Variants in DPF3 observed in about 807,000 individuals in gnomAD.
DPF3 encodes the protein double PHD fingers 3.
DPF3 carries 18 observed loss-of-function variants against 56.8 expected under a neutral mutation model. That is an observed-to-expected ratio of 0.32 (90% CI 0.22 to 0.47). DPF3 has a LOEUF of 0.47. DPF3 is among the 20% of genes least tolerant of loss of function. The pLI is 1.00. For synonymous variants in DPF3, 188 were observed against 180.2 expected (o/e 1.04, Z -0.35); for missense variants, 403 against 488.8 (o/e 0.82, Z 1.65).
intron 1 of DPF3, among the ~76,000 whole-genome samples, chr14:72,821,500 A>C (rs998743007): frequency 6.6e-6 from 1 of 150,668 alleles, no homozygotes; most frequent in Admixed American, 6.8e-5. Flanking sequence ...CACTAGGTTG[A>C]GTAAACGCTG....
intron 6 of DPF3, among the ~76,000 whole-genome samples, chr14:72,707,974 G>T (rs1249048629): frequency 6.6e-6 from 1 of 152,072 alleles, no homozygotes; most frequent in Non-Finnish European, 1.5e-5. Flanking sequence ...AAAAAATAAT[G>T]AAAAGCACCT....
intron 1 of DPF3, among the ~76,000 whole-genome samples, chr14:72,810,139 G>C (rs561773987): frequency 6.6e-6 from 1 of 152,170 alleles, no homozygotes; most frequent in East Asian, 1.9e-4. Flanking sequence ...GGGAAGATGC[G>C]AATAAGGGCA....
At chr14:72,809,405 G>T (rs1342167683) in intron 1 of DPF3, among the ~76,000 whole-genome samples, 5 of 152,158 alleles carry the variant, frequency 3.3e-5, no homozygotes, top group African/African-American at 1.2e-4. Flanking sequence ...ACCGGTGAAG[G>T]GCATGGGGGT....
chr14:72,868,982 G>A (rs1244475245), intron 1 of DPF3, among the ~76,000 whole-genome samples: 1 of 152,068 alleles, frequency 6.6e-6, no homozygotes, highest in Non-Finnish European at 1.5e-5. Flanking sequence ...ACTGCCCTTA[G>A]GATAAAGTAC....
chr14:72,714,187 T>C (rs1030326303), intron 6 of DPF3, among the ~76,000 whole-genome samples: 1 of 152,122 alleles, frequency 6.6e-6, no homozygotes, highest in Non-Finnish European at 1.5e-5. Flanking sequence ...GGTGCAGAAC[T>C]GAGGGTGGGG....
intron 2 of DPF3, among the ~76,000 whole-genome samples, chr14:72,756,554 T>A (rs1455531587): frequency 6.6e-6 from 1 of 152,134 alleles, no homozygotes; most frequent in Non-Finnish European, 1.5e-5. Context: ...GGCTGACGTC[T>A]GTAATCCCAG....
In DPF3 at chr14:72,612,603, G is replaced by C. The variant is rs768594813; in HGVS notation, c.*6694C>G. 17 of 518,878 alleles carry C rather than the reference G, an allele frequency of 3.3e-5. No individual in the cohort carries two copies. Among genetic ancestry groups the C allele is most frequent in the Non-Finnish European group, 5.4e-5 (14 of 259,864 alleles). 32.1% of individuals were successfully genotyped at this position (518,878 alleles called of 1,614,324 possible). On this transcript the variant is annotated 3_prime_UTR_variant, in exon 11 of 11. Transcript: ENST00000556509. ...GGGAGGAAACAGTGCAGGGAAGGGA[G>C]AGGGCAGGAGGAGAATCAGGGTCTC...
At chr14:72,827,843 TCAGGAGGCTGAGG>T (rs1382622229) in intron 1 of DPF3, among the ~76,000 whole-genome samples, 1 of 151,986 alleles carries the variant, frequency 6.6e-6, no homozygotes, top group Non-Finnish European at 1.5e-5. Context: ...TCCGAGCATC[TCAGGAGGCTGAGG>T]CAGGAGGATC....
chr14:72,754,366 T>C (rs916618285), intron 2 of DPF3, among the ~76,000 whole-genome samples: 2 of 152,154 alleles, frequency 1.3e-5, no homozygotes, highest in Non-Finnish European at 2.9e-5. Context: ...AAATCCCTAA[T>C]AGGAAGAAAA....
chr14:72,766,016 C>G (rs78630801), intron 2 of DPF3, among the ~76,000 whole-genome samples: 1,654 of 152,126 alleles, frequency 0.011, 29 homozygotes, highest in African/African-American at 0.038. Flanking sequence ...CATGGAGAAG[C>G]GCAGGAAGGA....
intron 6 of DPF3, among the ~76,000 whole-genome samples, chr14:72,694,464 C>A (rs1009366713): frequency 1.3e-5 from 2 of 152,216 alleles, no homozygotes; most frequent in African/African-American, 4.8e-5. Flanking sequence ...AATCCCAGTT[C>A]CAGCTGCTGA....
intron 1 of DPF3, among the ~76,000 whole-genome samples, chr14:72,872,960 A>G (rs1342411221): frequency 1.3e-5 from 2 of 152,268 alleles, no homozygotes; most frequent in African/African-American, 4.8e-5. Flanking sequence ...ACCTAAAACC[A>G]TAAAAACCCT....
chr14:72,880,908 GGGTTA>G lies in DPF3; in HGVS notation c.32+13144_32+13148del, dbSNP rs1195458930. On this transcript the variant is annotated intron_variant, in intron 1 of 10. Transcript: ENST00000556509. ...GAATAGGCATGAGAAGGGGAACTGAGGGTTAAAGGAGAAGGCAGCCTCCAGTGGAG... is the reference window on the plus strand; with the variant it reads ...GAATAGGCATGAGAAGGGGAACTGAGAAGGAGAAGGCAGCCTCCAGTGGAG... Among the ~76,000 whole-genome samples, 3 of 152,216 alleles carry G rather than the reference GGGTTA, an allele frequency of 2.0e-5. No individual in the cohort carries two copies. The East Asian group carries it at 5.8e-4, about 29-fold the overall frequency.
At position 72,753,678 on chromosome 14, in the gene DPF3, A is replaced by G. The variant is rs191241401; in HGVS notation, c.194-307T>C. Among the ~76,000 whole-genome samples the G allele has an allele frequency of 5.9e-5, 9 of 152,286 alleles. No homozygotes were observed. The East Asian group carries it at 1.7e-3, about 29-fold the overall frequency. On this transcript the variant is annotated intron_variant, in intron 2 of 10. Coordinates refer to ENST00000556509, the MANE Select transcript of DPF3 (RefSeq NM_001280542.3). ...TCACCAACTGGACCTTCAGACAAGA[A>G]GGACCTTTGCAGTGTCTCCAAAGCA...
At chr14:72,705,890 G>A (rs1008595261) in intron 6 of DPF3, among the ~76,000 whole-genome samples, 1 of 152,102 alleles carries the variant, frequency 6.6e-6, no homozygotes, top group African/African-American at 2.4e-5. Flanking sequence ...CTTCCAGAAA[G>A]GGACAGTGAT....
intron 8 of DPF3, chr14:72,661,482 C>T: frequency 1.0e-6 from 1 of 985,580 alleles, no homozygotes; most frequent in Non-Finnish European, 1.2e-6. Flanking sequence ...GAGGGAAACC[C>T]AAGAGCATGG....
intron 8 of DPF3, among the ~76,000 whole-genome samples, chr14:72,653,894 G>A (rs1885990902): frequency 6.6e-6 from 1 of 152,216 alleles, no homozygotes; most frequent in African/African-American, 2.4e-5. Flanking sequence ...CAGAAGACAG[G>A]AGAAACTGGG....
rs147142620 is a variant in DPF3 at position 72,777,213 on chromosome 14, G to A, written c.33-5320C>T. ...CTCAGCTGTTCACACCGCCAGAGCCGCCCACAAACACACACGAAAGCTCAT... is the reference window on the plus strand; with the variant it reads ...CTCAGCTGTTCACACCGCCAGAGCCACCCACAAACACACACGAAAGCTCAT... On this transcript the variant is annotated intron_variant, in intron 1 of 10. Coordinates refer to ENST00000556509, the MANE Select transcript of DPF3 (RefSeq NM_001280542.3). Among the ~76,000 whole-genome samples, 1,131 of 150,326 alleles carry A rather than the reference G, an allele frequency of 7.5e-3. 11 individuals are homozygous for A. Among genetic ancestry groups the A allele is most frequent in the South Asian group, 0.025 (119 of 4,740 alleles).
intron 8 of DPF3, among the ~76,000 whole-genome samples, chr14:72,667,083 G>A (rs11845162): frequency 1.3e-5 from 2 of 152,184 alleles, no homozygotes; most frequent in African/African-American, 4.8e-5. Context: ...GAGAGATGCA[G>A]AGTAAGCAGG....
Sources: gnomAD v4.1 joint callset for allele counts (sites outside exome capture counted in the v4.1 genomes callset) on GRCh38, gnomAD v4.1.1 for gene constraint, MANE v1.5 for transcripts, NCBI Gene and HGNC (gene_info 2026-07-23, HGNC 2026-07-21) for gene names.